The following SLC9A9 variants were observed in gnomAD, a reference collection of about 807,000 sequenced individuals.
The protein encoded by SLC9A9 is sodium/hydrogen exchanger 9.
A neutral mutation model predicts 77.8 loss-of-function variants in SLC9A9; 62 were observed. That is an observed-to-expected ratio of 0.80 (90% confidence interval 0.65 to 0.98). The LOEUF is 0.98. Among genes scored for constraint, SLC9A9 ranks in the 50% least tolerant of loss-of-function variants. SLC9A9 has a pLI of 0.00. For missense variants in SLC9A9, 775 were observed against 774.9 expected (o/e 1.00, Z 0.00); for synonymous variants, 320 against 283.5 (o/e 1.13, Z -1.29).
intron 6 of SLC9A9, among the ~76,000 whole-genome samples, chr3:143,608,533 T>C (rs1412338535): frequency 2.6e-5 from 4 of 152,190 alleles, no homozygotes; most frequent in Non-Finnish European, 5.9e-5. Flanking sequence ...ACCACCACGG[T>C]GGGCTTTCCC....
intron 14 of SLC9A9, among the ~76,000 whole-genome samples, chr3:143,277,065 C>A (rs750779374): frequency 1.2e-4 from 19 of 152,142 alleles, no homozygotes; most frequent in Admixed American, 1.2e-3. Context: ...TCCTCAGAGC[C>A]AGCCAGGCAA....
At chr3:143,726,118 AT>A (rs1934644355) in intron 4 of SLC9A9, among the ~76,000 whole-genome samples, 1 of 151,964 alleles carries the variant, frequency 6.6e-6, no homozygotes, top group Non-Finnish European at 1.5e-5. Context: ...ACTTTGAGAA[AT>A]TAAAAAAAAA....
chr3:143,778,146 G>C (rs1217392990), intron 4 of SLC9A9, among the ~76,000 whole-genome samples: 2 of 148,238 alleles, frequency 1.3e-5, no homozygotes, highest in Admixed American at 1.4e-4. Flanking sequence ...CAATCACTGT[G>C]TATGTTTTTA....
At chr3:143,486,524 T>G (rs958626782) in intron 11 of SLC9A9, among the ~76,000 whole-genome samples, 4 of 152,136 alleles carry the variant, frequency 2.6e-5, no homozygotes, top group Admixed American at 2.6e-4. Flanking sequence ...GGTTTATAAC[T>G]CCACAGTTTA....
chr3:143,683,293 A>T (rs936557348), intron 5 of SLC9A9, among the ~76,000 whole-genome samples: 1 of 152,142 alleles, frequency 6.6e-6, no homozygotes, highest in Non-Finnish European at 1.5e-5. Context: ...TTCGAATCTA[A>T]GTAATCAGGA....
intron 12 of SLC9A9, among the ~76,000 whole-genome samples, chr3:143,464,754 T>C (rs2035255998): frequency 6.6e-6 from 1 of 152,196 alleles, no homozygotes. Context: ...ATGAGAAACT[T>C]GGGCTGGGGC....
chr3:143,720,249 A>T (rs1011134256), intron 4 of SLC9A9, among the ~76,000 whole-genome samples: 2 of 149,614 alleles, frequency 1.3e-5, no homozygotes, highest in South Asian at 2.1e-4. Context: ...TTATATATAT[A>T]TATTTTTTTT....
chr3:143,429,462 T>C (rs2034469877), intron 12 of SLC9A9, among the ~76,000 whole-genome samples: 1 of 152,164 alleles, frequency 6.6e-6, no homozygotes, highest in Admixed American at 6.5e-5. Flanking sequence ...GTAGAACAGA[T>C]AAAAGGCAGA....
intron 4 of SLC9A9, among the ~76,000 whole-genome samples, chr3:143,721,513 T>A (rs1336392115): frequency 6.6e-6 from 1 of 151,942 alleles, no homozygotes; most frequent in Non-Finnish European, 1.5e-5. Flanking sequence ...AGGTAGGCAG[T>A]CTCTGGAGAC....
chr3:143,295,223 A>G (rs750308829), intron 14 of SLC9A9, among the ~76,000 whole-genome samples: 2 of 152,244 alleles, frequency 1.3e-5, no homozygotes, highest in Non-Finnish European at 2.9e-5. Context: ...CTGAGTAGCA[A>G]CAATTCACTT....
intron 5 of SLC9A9, among the ~76,000 whole-genome samples, chr3:143,653,465 A>G (rs2038833701): frequency 1.3e-5 from 2 of 152,166 alleles, no homozygotes; most frequent in African/African-American, 4.8e-5. Context: ...GGGTATTTTT[A>G]ATTCTGTTTT....
chr3:143,764,720 C>T (rs1401586686), intron 4 of SLC9A9, among the ~76,000 whole-genome samples: 2 of 152,076 alleles, frequency 1.3e-5, no homozygotes, highest in Non-Finnish European at 2.9e-5. Context: ...CCATACCCAA[C>T]TATTTTATTT....
intron 1 of SLC9A9, among the ~76,000 whole-genome samples, chr3:143,845,240 C>T (rs141811702): frequency 1.3e-5 from 2 of 152,252 alleles, no homozygotes; most frequent in African/African-American, 2.4e-5. Context: ...AATGAGAATG[C>T]TGGATTTATG....
chr3:143,738,751 G>A (rs1471912592), intron 4 of SLC9A9, among the ~76,000 whole-genome samples: 1 of 152,142 alleles, frequency 6.6e-6, no homozygotes, highest in Admixed American at 6.5e-5. Context: ...CCACTTTTCA[G>A]ATCAAACATT....
At chr3:143,770,941 G>T (rs1203487250) in intron 4 of SLC9A9, among the ~76,000 whole-genome samples, 1 of 152,016 alleles carries the variant, frequency 6.6e-6, no homozygotes, top group Non-Finnish European at 1.5e-5. Flanking sequence ...CAGGTTGAAA[G>T]GTGCAGCAAA....
rs1937708494 is a variant in SLC9A9 at position 143,266,237 on chromosome 3, T to G, written c.*465A>C. On this transcript the variant is annotated 3_prime_UTR_variant, in exon 16 of 16. Transcript: ENST00000316549. Reference sequence around the variant, plus strand: ...GAGTCAAGTCCTCAAAATAAGAAACTTATCACTTACTAAATAGCTGGGCAT... The same window carrying G: ...GAGTCAAGTCCTCAAAATAAGAAACGTATCACTTACTAAATAGCTGGGCAT... The G allele has an allele frequency of 3.2e-6, 2 of 626,528 alleles. No homozygotes were observed. The highest frequency in any genetic ancestry group is 1.9e-5 in the South Asian group (1 of 53,280). The allele number at this position is 626,528 out of a possible 1,614,324, so 38.8% of individuals were successfully genotyped here. A position where few individuals can be genotyped will look rare whatever the true frequency, so the allele number is the denominator to read the frequency against.
chr3:143,712,607 T>C (rs1010072303), intron 4 of SLC9A9, among the ~76,000 whole-genome samples: 1 of 152,162 alleles, frequency 6.6e-6, no homozygotes, highest in African/African-American at 2.4e-5. Context: ...AAAATGGGCA[T>C]AATGTCCTCC....
At chr3:143,477,020 AT>A (rs1480531883) in intron 11 of SLC9A9, among the ~76,000 whole-genome samples, 8 of 152,224 alleles carry the variant, frequency 5.3e-5, no homozygotes, top group African/African-American at 1.9e-4. Flanking sequence ...TAATGACAAT[AT>A]TCCTACTGCA....
At chr3:143,836,139 C>G (rs1407457458) in intron 1 of SLC9A9, among the ~76,000 whole-genome samples, 2 of 152,222 alleles carry the variant, frequency 1.3e-5, no homozygotes, top group Non-Finnish European at 2.9e-5. Context: ...TCTTAAGTCC[C>G]ACCCGTGGGC....
Sources: gnomAD v4.1 joint callset for allele counts (sites outside exome capture counted in the v4.1 genomes callset) on GRCh38, gnomAD v4.1.1 for gene constraint, MANE v1.5 for transcripts, NCBI Gene and HGNC (gene_info 2026-07-23, HGNC 2026-07-21) for gene names.